The following MYO1F variants were observed in gnomAD, a reference collection of about 807,000 sequenced individuals.
MYO1F encodes the protein myosin IF, also known as unconventional myosin-If.
Under a neutral mutation model 146.6 loss-of-function variants are expected in MYO1F, and 60 were observed. The ratio of observed to expected loss-of-function variants is 0.41; its 90% CI spans 0.33 to 0.51. The LOEUF (loss-of-function observed/expected upper bound fraction) is 0.51, where lower values mean the gene tolerates loss of function less well. MYO1F is among the 20% of genes least tolerant of loss of function. The pLI is 0.25. For synonymous variants in MYO1F, 602 were observed against 602.1 expected (o/e 1.00, Z 0.00); for missense variants, 1,274 against 1,534.3 (o/e 0.83, Z 2.83).
chr19:8,569,177 C>T (rs972586862), intron 1 of MYO1F, among the ~76,000 whole-genome samples: 2 of 152,104 alleles, frequency 1.3e-5, no homozygotes, highest in Admixed American at 6.6e-5. Flanking sequence ...CTCTCTCATT[C>T]TGTGGCCTCC....
chr19:8,552,366 C>T (rs1973651222), intron 6 of MYO1F, among the ~76,000 whole-genome samples: 1 of 152,048 alleles, frequency 6.6e-6, no homozygotes, highest in Non-Finnish European at 1.5e-5. Flanking sequence ...TCAAGTGATT[C>T]TCCTGCCTTA....
intron 15 of MYO1F, chr19:8,541,679 T>A (rs1972977669): frequency 1.8e-6 from 1 of 556,254 alleles, no homozygotes; most frequent in Non-Finnish European, 3.3e-6. Context: ...TTTGTCCACT[T>A]CGGCCTCCCA....
chr19:8,538,708 C>T (rs547768324), intron 16 of MYO1F, among the ~76,000 whole-genome samples: 9 of 152,080 alleles, frequency 5.9e-5, no homozygotes, highest in Non-Finnish European at 8.8e-5. Context: ...CTGCCTCAGC[C>T]TCCCAAGTAG....
chr19:8,532,480 T>C (rs1266641782), intron 19 of MYO1F, among the ~76,000 whole-genome samples: 1 of 152,152 alleles, frequency 6.6e-6, no homozygotes, highest in Admixed American at 6.6e-5. Flanking sequence ...ATAGCATGCC[T>C]GTCAGAGAAT....
Position 8,522,465 on chromosome 19 carries a change from G to A in MYO1F, c.3132C>T (p.Pro1044=). Residue 1044 remains proline, a synonymous_variant, in exon 27 of 28, where the codon CCC becomes CCT. Transcript: ENST00000644032. ...RPKPQPRTHG[P]RCRALYQYVG... is the part of the protein sequence containing the mutation. ...CGTACTGGTATAGGGCCCGGCACCT[G>A]GGACCATGTGTCCGAGGCTGGGGCT... 1 of 1,614,054 alleles carries A rather than the reference G, an allele frequency of 6.2e-7. No homozygotes were observed. The highest frequency in any genetic ancestry group is 8.5e-7 in the Non-Finnish European group (1 of 1,180,014).
Position 8,539,986 on chromosome 19 carries a change from G to T in MYO1F, c.1653C>A (p.Asp551Glu), listed in dbSNP as rs760968370. The change falls in exon 16 of 28, where the codon GAC (aspartate) becomes GAA (glutamate). Residue 551 changes from aspartate (D) to glutamate (E), a missense_variant. Asp to Glu is a conservative substitution (Grantham distance 45). Transcript: ENST00000644032. ...CGGCGGTGCTGGGGCGCCCCTTCTT[G>T]TCTCCATCCAGCTTCTCGGGGAAGA... ...RMLFPEKLDG[D>E]KKGRPSTAGS... is the part of the protein sequence containing the mutation. The T allele has an allele frequency of 2.7e-5, 44 of 1,612,270 alleles. No individual in the cohort carries two copies. The highest frequency in any genetic ancestry group is 4.0e-5 in the African/African-American group (3 of 74,862).
Position 8,526,863 on chromosome 19 carries a change from G to C in MYO1F, c.2547C>G (p.Thr849=). ...GCTTGCACAGAAGGCTGACAAACTC[G>C]GTCTTGAAGACGCTCTCCAGGAAGC... ...ADSFLESVFK[T]EFVSLLCKRF... Residue 849 remains threonine (T), a synonymous_variant, in exon 23 of 28, where the codon ACC becomes ACG. Transcript: ENST00000644032. 6.2e-7 allele frequency: 1 copy of C among 1,614,014 alleles called. No individual in the cohort carries two copies. Among genetic ancestry groups the C allele is most frequent in the Non-Finnish European group, 8.5e-7 (1 of 1,180,010 alleles).
intron 13 of MYO1F, among the ~76,000 whole-genome samples, 177 bp from the exon 14 acceptor site, chr19:8,544,641 A>G (rs1240103108): frequency 5.3e-5 from 8 of 150,930 alleles, no homozygotes; most frequent in Non-Finnish European, 3.0e-5. Flanking sequence ...TGCAGGGGTC[A>G]GGGATGGAAG....
chr19:8,550,982 G>A (rs910933524), intron 8 of MYO1F, among the ~76,000 whole-genome samples: 105 of 152,014 alleles, frequency 6.9e-4, no homozygotes, highest in African/African-American at 2.5e-3. Context: ...CCAGGTTCAA[G>A]CGATTTTCCT....
intron 8 of MYO1F, 56 bp from the exon 9 acceptor site, chr19:8,550,750 C>T (rs755015788): frequency 1.9e-5 from 31 of 1,611,360 alleles, no homozygotes; most frequent in Non-Finnish European, 2.5e-5. Context: ...CAACCTGCCT[C>T]CAGGGGCAGG....
At chr19:8,562,383 C>T (rs1180786143) in intron 1 of MYO1F, among the ~76,000 whole-genome samples, 2 of 152,100 alleles carry the variant, frequency 1.3e-5, no homozygotes, top group Non-Finnish European at 2.9e-5. Context: ...TCATACCTCA[C>T]TGCGGCCTCG....
In MYO1F at chr19:8,530,691, G is replaced by T; in HGVS notation, c.2044-118C>A. ...CTTTTGCTCACCCATCCCCACACATGTGCTAATTTTTTTAAGAGGCGGGGT... is the reference window on the plus strand; with the variant it reads ...CTTTTGCTCACCCATCCCCACACATTTGCTAATTTTTTTAAGAGGCGGGGT... On this transcript the variant is annotated intron_variant, in intron 19 of 27. Coordinates refer to ENST00000644032, the MANE Select transcript of MYO1F (RefSeq NM_012335.4). This position sits in a 1 kb window ranked among gnomAD's most constrained non-coding sequence, Gnocchi z 5.8. 1 of 804,226 alleles carries T rather than the reference G, an allele frequency of 1.2e-6. No homozygotes were observed. Among genetic ancestry groups the T allele is most frequent in the Non-Finnish European group, 2.1e-6 (1 of 477,712 alleles). The allele number at this position is 804,226 out of a possible 1,614,324, so 49.8% of individuals were successfully genotyped here.
In MYO1F at chr19:8,530,812, G is replaced by A. The variant is rs995278931; in HGVS notation, c.2044-239C>T. ...CCTAGCACTTCGGGAGGCCGAGGCG[G>A]GTGGATCACCTGAGGTCAGGAGTTT... On this transcript the variant is annotated intron_variant, in intron 19 of 27. Transcript: ENST00000644032. This position sits in a 1 kb window ranked among gnomAD's most constrained non-coding sequence, Gnocchi z 5.8. Among the ~76,000 whole-genome samples, 2 of 152,208 alleles carry A rather than the reference G, an allele frequency of 1.3e-5. No individual in the cohort carries two copies. Among genetic ancestry groups the A allele is most frequent in the African/African-American group, 4.8e-5 (2 of 41,468 alleles).
intron 1 of MYO1F, among the ~76,000 whole-genome samples, chr19:8,561,476 TTTTCTC>T (rs1269401977): frequency 1.4e-5 from 2 of 142,188 alleles, no homozygotes; most frequent in African/African-American, 2.7e-5. Context: ...CTCTCTTTCT[TTTTCTC>T]TTTCTTTCGT....
intron 1 of MYO1F, among the ~76,000 whole-genome samples, chr19:8,562,581 G>T (rs1403450516): frequency 6.6e-6 from 1 of 152,136 alleles, no homozygotes; most frequent in Non-Finnish European, 1.5e-5. Flanking sequence ...TGTTGCCCAG[G>T]CTGGAGTGCA....
chr19:8,542,100 G>A (rs1469281627), intron 14 of MYO1F, 109 bp from the exon 15 acceptor site: 2 of 812,052 alleles, frequency 2.5e-6, no homozygotes, highest in Non-Finnish European at 4.2e-6. Context: ...GGCCTGCTGT[G>A]GGGTGAGAGG....
intron 24 of MYO1F, among the ~76,000 whole-genome samples, 190 bp downstream of exon 24, chr19:8,526,263 G>T (rs1972261368): frequency 6.6e-6 from 1 of 152,158 alleles, no homozygotes; most frequent in African/African-American, 2.4e-5. Flanking sequence ...GGTGGCGGAG[G>T]TTGCGGTGAG....
In MYO1F at chr19:8,574,561, T is replaced by G. The variant is rs1403176263; in HGVS notation, c.3+2746A>C. Among the ~76,000 whole-genome samples, 103 of 85,580 alleles carry G rather than the reference T, an allele frequency of 1.2e-3. 2 individuals are homozygous for G. The highest frequency in any genetic ancestry group is 5.5e-3 in the African/African-American group (94 of 17,026). 56.1% of individuals were successfully genotyped at this position (85,580 alleles called of 152,430 possible). A position where few individuals can be genotyped will look rare whatever the true frequency, so the allele number is the denominator to read the frequency against. ...TTTCTTTCTTTCTTTCTTTCTTTCTTTCTTTCTTTCTTTCTTTCTCTCTCT... is the reference window on the plus strand; with the variant it reads ...TTTCTTTCTTTCTTTCTTTCTTTCTGTCTTTCTTTCTTTCTTTCTCTCTCT... On this transcript the variant is annotated intron_variant, in intron 1 of 27. Coordinates refer to ENST00000644032, the MANE Select transcript of MYO1F (RefSeq NM_012335.4).
chr19:8,525,272 GTGGT>G, intron 25 of MYO1F: 2 of 547,566 alleles, frequency 3.7e-6, no homozygotes, highest in Non-Finnish European at 6.6e-6. Flanking sequence ...GAAGATGTCA[GTGGT>G]TAGCTGGGTT....
Sources: allele counts gnomAD v4.1 joint callset (sites outside exome capture counted in the v4.1 genomes callset), GRCh38; gene constraint gnomAD v4.1.1; non-coding constraint Gnocchi (gnomAD v3.1); transcripts MANE v1.5; gene names NCBI Gene and HGNC (gene_info 2026-07-23, HGNC 2026-07-21).